Variants in NUMB observed in about 807,000 individuals in gnomAD.
NUMB encodes NUMB endocytic adaptor protein.
Under a neutral mutation model 59.7 loss-of-function variants are expected in NUMB, and 29 were observed. The ratio of observed to expected loss-of-function variants is 0.49; its 90% CI spans 0.36 to 0.66. The LOEUF (loss-of-function observed/expected upper bound fraction) is 0.66, where lower values mean the gene tolerates loss of function less well. Ranked by LOEUF, NUMB falls within the 30% of genes least tolerant of loss-of-function variation. The pLI, the probability that NUMB is intolerant of heterozygous loss-of-function variation, is 0.00. For synonymous variants in NUMB, 288 were observed against 288.2 expected (o/e 1.00, Z 0.01); for missense variants, 723 against 822.0 (o/e 0.88, Z 1.47).
At chr14:73,400,143 C>T (rs1310634716) in intron 2 of NUMB, among the ~76,000 whole-genome samples, 1 of 152,096 alleles carries the variant, frequency 6.6e-6, no homozygotes, top group Non-Finnish European at 1.5e-5. Flanking sequence ...ACTTTAAATG[C>T]ACACTACTAA....
At chr14:73,412,924 T>C (rs1896959999) in intron 1 of NUMB, among the ~76,000 whole-genome samples, 1 of 151,704 alleles carries the variant, frequency 6.6e-6, no homozygotes, top group East Asian at 2.0e-4. Context: ...AAAGCAACTA[T>C]TAAATATTCT....
At position 73,275,233 on chromosome 14, in the gene NUMB, ATT is replaced by A. The variant is rs1223284056; in HGVS notation, c.*1343_*1344del. On this transcript the variant is annotated 3_prime_UTR_variant, in exon 13 of 13. Coordinates refer to ENST00000555238, the MANE Select transcript of NUMB (RefSeq NM_001005743.2). ...GCAAAAGCTTCTACCATGAACATTTATTTTTGTTAAAGCAGATTATAAATTTT... is the reference window on the plus strand; with the variant it reads ...GCAAAAGCTTCTACCATGAACATTTATTTGTTAAAGCAGATTATAAATTTT... 6.6e-6 allele frequency: 1 copy of A among 152,662 alleles called. No individual in the cohort carries two copies. The highest frequency in any genetic ancestry group is 6.5e-5 in the Admixed American group (1 of 15,284). 9.5% of individuals were successfully genotyped at this position (152,662 alleles called of 1,614,324 possible).
At chr14:73,326,147 G>T (rs763471586) in intron 4 of NUMB, among the ~76,000 whole-genome samples, 1 of 152,106 alleles carries the variant, frequency 6.6e-6, no homozygotes, top group Non-Finnish European at 1.5e-5. Flanking sequence ...ATTTGTTTGT[G>T]AATTCCTAGG....
intron 2 of NUMB, among the ~76,000 whole-genome samples, chr14:73,389,689 T>C (rs1895751083): frequency 1.3e-5 from 2 of 152,172 alleles, no homozygotes; most frequent in Admixed American, 1.3e-4. Context: ...AAGTTTAAAG[T>C]TAATACTATT....
intron 2 of NUMB, among the ~76,000 whole-genome samples, chr14:73,402,717 T>C (rs1291515057): frequency 6.6e-6 from 1 of 152,208 alleles, no homozygotes; most frequent in Non-Finnish European, 1.5e-5. Flanking sequence ...ATTTTACAGA[T>C]GAGGAAACAG....
At chr14:73,438,012 A>G (rs761518385) in intron 1 of NUMB, among the ~76,000 whole-genome samples, 1 of 152,232 alleles carries the variant, frequency 6.6e-6, no homozygotes, top group Non-Finnish European at 1.5e-5. Flanking sequence ...ATTTGCAAAT[A>G]TTTTAAAATA....
At chr14:73,375,310 G>A (rs2140065512) in intron 2 of NUMB, among the ~76,000 whole-genome samples, 1 of 152,222 alleles carries the variant, frequency 6.6e-6, no homozygotes, top group South Asian at 2.1e-4. Flanking sequence ...AGAGACTTAT[G>A]TTTATTACTT....
intron 1 of NUMB, among the ~76,000 whole-genome samples, chr14:73,428,891 G>A (rs1030676097): frequency 3.3e-5 from 5 of 152,124 alleles, no homozygotes; most frequent in African/African-American, 9.7e-5. Context: ...ATATATGCTA[G>A]AACTTTAATT....
At chr14:73,368,639 G>C (rs1354341620) in intron 2 of NUMB, among the ~76,000 whole-genome samples, 1 of 152,006 alleles carries the variant, frequency 6.6e-6, no homozygotes, top group Non-Finnish European at 1.5e-5. Context: ...ATAAACTATT[G>C]ATAGAGAACC....
intron 3 of NUMB, among the ~76,000 whole-genome samples, chr14:73,366,556 T>C (rs1894354391): frequency 6.6e-6 from 1 of 152,156 alleles, no homozygotes; most frequent in South Asian, 2.1e-4. Context: ...GTGGATAATA[T>C]TACCATCACA....
chr14:73,355,009 T>A (rs1429487641), intron 4 of NUMB, among the ~76,000 whole-genome samples: 1 of 152,128 alleles, frequency 6.6e-6, no homozygotes, highest in African/African-American at 2.4e-5. Flanking sequence ...TTTTACTAAA[T>A]AGTAAATAAC....
intron 7 of NUMB, among the ~76,000 whole-genome samples, chr14:73,295,298 C>T (rs1376564354): frequency 6.6e-6 from 1 of 152,024 alleles, no homozygotes; most frequent in Non-Finnish European, 1.5e-5. Context: ...GAAGATGGTC[C>T]CAATGGTGAC....
chr14:73,362,888 C>T (rs796404116), intron 3 of NUMB, among the ~76,000 whole-genome samples: 7 of 152,186 alleles, frequency 4.6e-5, no homozygotes, highest in African/African-American at 1.4e-4. Flanking sequence ...GTGGCTCATG[C>T]CTGTAATCCC....
At chr14:73,372,350 TATA>T (rs1954095132) in intron 2 of NUMB, among the ~76,000 whole-genome samples, 1 of 126,546 alleles carries the variant, frequency 7.9e-6, no homozygotes, top group Non-Finnish European at 1.7e-5. Flanking sequence ...CTTTTATATA[TATA>T]TATATAACCT....
At chr14:73,345,034 T>C (rs1254531902) in intron 4 of NUMB, among the ~76,000 whole-genome samples, 1 of 152,172 alleles carries the variant, frequency 6.6e-6, no homozygotes, top group African/African-American at 2.4e-5. Flanking sequence ...CTACCAAAAA[T>C]ACACATGCAC....
At chr14:73,454,501 A>G (rs893179346) in intron 1 of NUMB, among the ~76,000 whole-genome samples, 1 of 152,214 alleles carries the variant, frequency 6.6e-6, no homozygotes, top group Non-Finnish European at 1.5e-5. Context: ...CGAGTTGGAG[A>G]GCAGGAAGCA....
intron 4 of NUMB, among the ~76,000 whole-genome samples, chr14:73,353,619 G>GGTACATCACCT (rs1893595251): frequency 6.6e-6 from 1 of 151,152 alleles, no homozygotes. Context: ...GGCTGAGGCA[G>GGTACATCACCT]GAGAATCGTT....
intron 4 of NUMB, among the ~76,000 whole-genome samples, chr14:73,326,689 AAGTG>A (rs1295038752): frequency 1.3e-5 from 2 of 152,130 alleles, no homozygotes; most frequent in East Asian, 1.9e-4. Flanking sequence ...ATCCCACAGA[AAGTG>A]AGTAAGAACT....
chr14:73,405,259 T>G (rs1896602449), intron 2 of NUMB, among the ~76,000 whole-genome samples: 1 of 151,956 alleles, frequency 6.6e-6, no homozygotes, highest in Admixed American at 6.6e-5. Flanking sequence ...AGTTTATCAT[T>G]TTTTTCCTCT....
Sources: allele counts gnomAD v4.1 joint callset (sites outside exome capture counted in the v4.1 genomes callset), GRCh38; gene constraint gnomAD v4.1.1; transcripts MANE v1.5; gene names NCBI Gene and HGNC (gene_info 2026-07-23, HGNC 2026-07-21).